The following SDC2 variants were observed in gnomAD, a reference collection of about 807,000 sequenced individuals.
SDC2 encodes syndecan-2.
In SDC2, 13 loss-of-function variants were observed where a neutral mutation model predicts 22.2. That is an observed-to-expected ratio of 0.59 (90% CI 0.38 to 0.93). The LOEUF is 0.93. Ranked by LOEUF, SDC2 falls within the 40% of genes least tolerant of loss-of-function variation. The pLI is 0.00. For missense variants in SDC2, 235 were observed against 246.8 expected, an observed-to-expected ratio of 0.95 and a Z score of 0.32; for synonymous variants, 94 against 92.8, an observed-to-expected ratio of 1.01 and a Z score of -0.07.
At chr8:96,596,883 G>C (rs1332448583) in intron 2 of SDC2, among the ~76,000 whole-genome samples, 4 of 152,202 alleles carry the variant, frequency 2.6e-5, no homozygotes, top group Non-Finnish European at 4.4e-5. Flanking sequence ...GCAGTGGGGA[G>C]AGCCAAAAAG....
At chr8:96,517,771 ATGTGTGTGTGTGTGTG>A (rs34151563) in intron 1 of SDC2, among the ~76,000 whole-genome samples, 21 of 149,358 alleles carry the variant, frequency 1.4e-4, no homozygotes, top group Admixed American at 5.3e-4. Flanking sequence ...GTGTGTGTGC[ATGTGTGTGTGTGTGTG>A]TGTGTGTGTG....
intron 1 of SDC2, among the ~76,000 whole-genome samples, chr8:96,505,917 G>A (rs914397475): frequency 6.6e-6 from 1 of 152,158 alleles, no homozygotes; most frequent in African/African-American, 2.4e-5. Flanking sequence ...ATTATTTAGA[G>A]AATTGAAAAT....
intron 1 of SDC2, among the ~76,000 whole-genome samples, chr8:96,573,150 A>G (rs1814423915): frequency 6.6e-6 from 1 of 152,044 alleles, no homozygotes; most frequent in South Asian, 2.1e-4. Context: ...TACATGAACT[A>G]TTTCACGTTT....
In SDC2 at chr8:96,570,474, G is replaced by A. The variant is rs553179132; in HGVS notation, c.61-23006G>A. ...CCCAAAGACACAGGTCCTGCCCTTGGGGAACTCATACTCTGCTAAGGGGAG... is the reference window on the plus strand; with the variant it reads ...CCCAAAGACACAGGTCCTGCCCTTGAGGAACTCATACTCTGCTAAGGGGAG... On this transcript the variant is annotated intron_variant, in intron 1 of 4. Transcript: ENST00000302190. Among the ~76,000 whole-genome samples the A allele has an allele frequency of 5.9e-5, 9 of 152,278 alleles. No individual in the cohort carries two copies. The South Asian group carries it at 1.9e-3, about 32-fold the overall frequency.
At chr8:96,552,826 C>G (rs1386570184) in intron 1 of SDC2, among the ~76,000 whole-genome samples, 1 of 152,104 alleles carries the variant, frequency 6.6e-6, no homozygotes, top group Non-Finnish European at 1.5e-5. Flanking sequence ...CTTCCCCTCC[C>G]CCAGGTTAGG....
intron 1 of SDC2, among the ~76,000 whole-genome samples, chr8:96,537,976 G>T (rs1429830860): frequency 6.6e-6 from 1 of 151,868 alleles, no homozygotes; most frequent in African/African-American, 2.4e-5. Flanking sequence ...TTGTTTGTTT[G>T]TTTTTGAGAC....
At position 96,494,115 on chromosome 8, in the gene SDC2, C is replaced by A. The variant is rs1266362565; in HGVS notation, c.-157C>A. 1 of 675,652 alleles carries A rather than the reference C, an allele frequency of 1.5e-6. No homozygotes were observed. Among genetic ancestry groups the A allele is most frequent in the Non-Finnish European group, 2.4e-6 (1 of 420,524 alleles). 41.9% of individuals were successfully genotyped at this position (675,652 alleles called of 1,614,324 possible). A position where few individuals can be genotyped will look rare whatever the true frequency, so the allele number is the denominator to read the frequency against. The stretch of plus-strand genomic sequence containing the variant: ...CAGGCGCAGGAGGAGGAAGCGAGCG[C>A]CCCCGAGCCCCGAGCCCGAGTCCCC... On this transcript the variant is annotated 5_prime_UTR_variant, in exon 1 of 5. Transcript: ENST00000302190.
At chr8:96,597,529 G>A (rs2582798) in intron 2 of SDC2, among the ~76,000 whole-genome samples, 30,935 of 152,102 alleles carry the variant, frequency 0.2, 3,751 homozygotes, top group South Asian at 0.36. Flanking sequence ...GGAAAAACTT[G>A]TAACATGAGA....
intron 1 of SDC2, among the ~76,000 whole-genome samples, chr8:96,585,853 G>GTTTTT (rs199970598): frequency 1.4e-5 from 2 of 145,424 alleles, no homozygotes; most frequent in African/African-American, 2.6e-5. Context: ...CTGGCAAGAG[G>GTTTTT]TTTTTTTTTT....
chr8:96,527,347 A>G (rs1024552274), intron 1 of SDC2, among the ~76,000 whole-genome samples: 7 of 152,198 alleles, frequency 4.6e-5, no homozygotes, highest in Non-Finnish European at 1.0e-4. Context: ...CTGCTCTTGT[A>G]AGACAGACAT....
intron 2 of SDC2, 139 bp from the exon 3 acceptor site, chr8:96,602,256 C>T: frequency 1.2e-6 from 1 of 830,442 alleles, no homozygotes; most frequent in East Asian, 2.5e-5. Flanking sequence ...CCACAGGAAG[C>T]TTTGTGCTGA....
chr8:96,601,078 G>A (rs1401209073), intron 2 of SDC2, among the ~76,000 whole-genome samples: 1 of 152,258 alleles, frequency 6.6e-6, no homozygotes, highest in East Asian at 1.9e-4. Flanking sequence ...TGAGGGGGAA[G>A]CCAGGAACTC....
In SDC2 at chr8:96,608,454, G is replaced by A; in HGVS notation, c.426G>A (p.Arg142=). The A allele has an allele frequency of 6.2e-7, 1 of 1,612,466 alleles. No homozygotes were observed. Among genetic ancestry groups the A allele is most frequent in the Non-Finnish European group, 8.5e-7 (1 of 1,179,230 alleles). The change falls in exon 4 of 5, where the codon CGG becomes CGA. Residue 142 remains arginine (R), a synonymous_variant. Transcript: ENST00000302190. ...AACACTCAGACAGTCTGTTTAAACG[G>A]ACAGAAGTCCTAGCAGGTGAGTAGC... The part of the protein sequence containing the change: ...TEKHSDSLFK[R]TEVLAAVIAG...
chr8:96,558,298 G>A (rs1207811687), intron 1 of SDC2, among the ~76,000 whole-genome samples: 1 of 152,064 alleles, frequency 6.6e-6, no homozygotes, highest in Non-Finnish European at 1.5e-5. Flanking sequence ...CAGAGTTTGG[G>A]CATTGGGAGC....
intron 2 of SDC2, among the ~76,000 whole-genome samples, chr8:96,595,268 CT>C (rs372373168): frequency 3.3e-5 from 5 of 152,272 alleles, no homozygotes; most frequent in Middle Eastern, 3.4e-3. Flanking sequence ...TCAGTTGTGT[CT>C]TTGGTAGAAA....
intron 1 of SDC2, among the ~76,000 whole-genome samples, chr8:96,566,644 ATTTTATTAAATTAT>A (rs1814303560): frequency 6.6e-6 from 1 of 151,258 alleles, no homozygotes; most frequent in Non-Finnish European, 1.5e-5. Flanking sequence ...AGATTGATCT[ATTTTATTAAATTAT>A]TTTTATTAAA....
In SDC2 at chr8:96,494,176, G is replaced by A; in HGVS notation, c.-96G>A. On this transcript the variant is annotated 5_prime_UTR_variant, in exon 1 of 5. Transcript: ENST00000302190. ...CGCAATCGCTGCGGTACTCTGCTCC[G>A]GATTCGTGTGCGCGGGCTGCGCCGA... The A allele has an allele frequency of 2.3e-6, 3 of 1,314,932 alleles. No homozygotes were observed. Among genetic ancestry groups the A allele is most frequent in the Non-Finnish European group, 1.0e-6 (1 of 953,912 alleles). The allele number at this position is 1,314,932 out of a possible 1,614,324, so 81.5% of individuals were successfully genotyped here. A position where few individuals can be genotyped will look rare whatever the true frequency, so the allele number is the denominator to read the frequency against.
chr8:96,527,163 G>A (rs1390632393), intron 1 of SDC2, among the ~76,000 whole-genome samples: 5 of 152,160 alleles, frequency 3.3e-5, no homozygotes, highest in Non-Finnish European at 7.3e-5. Flanking sequence ...GGGCAGGCAC[G>A]TTCTGCCTAT....
chr8:96,576,505 C>T (rs1320918858), intron 1 of SDC2, among the ~76,000 whole-genome samples: 4 of 92,850 alleles, frequency 4.3e-5, no homozygotes, highest in Admixed American at 1.1e-4. Flanking sequence ...CTGCAAGCTC[C>T]GCCTCCCGGA....
Sources: gnomAD v4.1 joint callset for allele counts (sites outside exome capture counted in the v4.1 genomes callset) on GRCh38, gnomAD v4.1.1 for gene constraint, MANE v1.5 for transcripts, NCBI Gene and HGNC (gene_info 2026-07-23, HGNC 2026-07-21) for gene names.